Variants in HPS4 observed in about 807,000 individuals in gnomAD.
The protein encoded by HPS4 is BLOC-3 complex member HPS4.
A neutral mutation model predicts 70.3 loss-of-function variants in HPS4; 44 were observed. That is an observed-to-expected ratio of 0.63 (90% CI 0.49 to 0.80). HPS4 has a LOEUF of 0.80. HPS4 is among the 30% of genes least tolerant of loss of function. The pLI is 0.00. For missense variants in HPS4, 873 were observed against 884.4 expected (o/e 0.99, Z 0.16); for synonymous variants, 377 against 355.9 (o/e 1.06, Z -0.67).
intron 6 of HPS4, chr22:26,471,031 C>CG: frequency 1.1e-6 from 1 of 880,256 alleles, no homozygotes. Flanking sequence ...ATTCTTAGAA[C>CG]AAGGAGGCCT....
rs774979651 is a variant in HPS4, at chr22:26,464,300, C to T, written c.1330G>A (p.Glu444Lys). 218 of 1,613,946 alleles carry T rather than the reference C, an allele frequency of 1.4e-4. No homozygotes were observed. Among genetic ancestry groups the T allele is most frequent in the Non-Finnish European group, 1.7e-4 (203 of 1,180,040 alleles). ...LTQHGAQEQL[E>K]DHPGHSSQAP... Reference sequence around the variant, plus strand: ...TGGCTGCTATGGCCAGGATGGTCTTCGAGCTGCTCTTGGGCTCCATGCTGG... The same window carrying T: ...TGGCTGCTATGGCCAGGATGGTCTTTGAGCTGCTCTTGGGCTCCATGCTGG... The change falls in exon 11 of 14, where the codon GAA becomes AAA. Residue 444 changes from glutamate (E) to lysine (K), a missense_variant. Transcript: ENST00000398145.
downstream of HPS4, chr22:26,443,724 C>G (rs1266009526): frequency 6.5e-6 from 1 of 152,716 alleles, no homozygotes; most frequent in Non-Finnish European, 1.5e-5. Context: ...GGCAGGGGGA[C>G]AGTCTGCAGC....
Position 26,472,951 on chromosome 22 carries a change from G to A in HPS4, c.277-12C>T. ...GCACAGCCCAGCACCTGTAAAGAGAGAAACCAGGAAGACAAGCATCTTCCT... is the reference window on the plus strand; with the variant it reads ...GCACAGCCCAGCACCTGTAAAGAGAAAAACCAGGAAGACAAGCATCTTCCT... On this transcript the variant is annotated splice_polypyrimidine_tract_variant and intron_variant, in intron 4 of 13. Transcript: ENST00000398145. 3.1e-6 allele frequency: 5 copies of A among 1,611,848 alleles called. No homozygotes were observed. The highest frequency in any genetic ancestry group is 4.2e-6 in the Non-Finnish European group (5 of 1,177,892).
chr22:26,481,011 G>A (rs1296689022), intron 2 of HPS4, among the ~76,000 whole-genome samples: 2 of 152,114 alleles, frequency 1.3e-5, no homozygotes, highest in Non-Finnish European at 2.9e-5. Context: ...ACTGGCTGCA[G>A]GGTAAGCTCA....
chr22:26,481,686 A>G, intron 2 of HPS4, 36 bp downstream of exon 2: 2 of 1,607,402 alleles, frequency 1.2e-6, no homozygotes, highest in Non-Finnish European at 1.7e-6. Context: ...CCAACAGCCC[A>G]GCAAAAGCTA....
At chr22:26,466,704 A>G in intron 8 of HPS4, 1 of 255,838 alleles carries the variant, frequency 3.9e-6, no homozygotes, top group Non-Finnish European at 7.7e-6. Context: ...ACGATAAAGG[A>G]TTTGACTTAA....
downstream of HPS4, among the ~76,000 whole-genome samples, chr22:26,449,895 A>G (rs753454920): frequency 6.6e-6 from 1 of 152,138 alleles, no homozygotes; most frequent in Non-Finnish European, 1.5e-5. Flanking sequence ...GTTTCACGGG[A>G]CCGAATTCAG....
intron 4 of HPS4, among the ~76,000 whole-genome samples, chr22:26,473,652 G>A (rs994117335): frequency 2.0e-5 from 3 of 151,982 alleles, no homozygotes; most frequent in South Asian, 2.1e-4. Context: ...CTGAGGCAGG[G>A]GAATCGCTTG....
Position 26,477,135 on chromosome 22 carries a change from G to T in HPS4, c.134C>A (p.Thr45Asn), listed in dbSNP as rs1489279654. 6.2e-7 allele frequency: 1 copy of T among 1,614,204 alleles called. No homozygotes were observed. Among genetic ancestry groups the T allele is most frequent in the Non-Finnish European group, 8.5e-7 (1 of 1,180,018 alleles). The stretch of plus-strand genomic sequence containing the variant: ...AAGCAACTCCTGTTGGTCTAGCAGG[G>T]TCTGTGGGAAAGGAGCACATTCCAG... ...AGICYFYPSQ[T>N]LLDQQELLCG... Residue 45 changes from threonine to asparagine, a missense_variant and splice_region_variant, in exon 4 of 14, where the codon ACC becomes AAC. Physicochemically the swap from Thr to Asn is moderately conservative, Grantham distance 65. Transcript: ENST00000398145.
At chr22:26,465,114 C>T (rs944753777) in intron 10 of HPS4, among the ~76,000 whole-genome samples, 2 of 152,206 alleles carry the variant, frequency 1.3e-5, no homozygotes, top group African/African-American at 2.4e-5. Flanking sequence ...ATACTAGGTG[C>T]TGTACCTATA....
At chr22:26,468,725 G>C in intron 7 of HPS4, 102 bp from the exon 8 acceptor site, 1 of 1,076,630 alleles carries the variant, frequency 9.3e-7, no homozygotes, top group Non-Finnish European at 1.4e-6. Context: ...AGGATCTTGG[G>C]GACTTGGCTG....
intron 9 of HPS4, 154 bp from the exon 10 acceptor site, chr22:26,465,705 T>C (rs2146600591): frequency 1.5e-6 from 1 of 656,134 alleles, no homozygotes; most frequent in South Asian, 1.8e-5. Flanking sequence ...GTTGCCAAAC[T>C]GCACCTCGAA....
At chr22:26,453,943 A>G in intron 13 of HPS4, 1 of 171,234 alleles carries the variant, frequency 5.8e-6, no homozygotes, top group South Asian at 1.3e-4. Context: ...GAAGGACAGG[A>G]GTGGGATGTG....
chr22:26,476,508 G>A (rs756171333), intron 4 of HPS4: 37 of 164,100 alleles, frequency 2.3e-4, no homozygotes, highest in Non-Finnish European at 3.1e-4. Context: ...CACCACACCC[G>A]GTTAATTTTT....
At chr22:26,479,872 G>A (rs933739313) in intron 2 of HPS4, among the ~76,000 whole-genome samples, 2 of 152,196 alleles carry the variant, frequency 1.3e-5, no homozygotes, top group Non-Finnish European at 2.9e-5. Context: ...TTTCAATGCA[G>A]GATAGTGAGT....
chr22:26,482,386 C>T (rs1023401054), intron 1 of HPS4, 146 bp from the exon 2 acceptor site: 1 of 155,094 alleles, frequency 6.4e-6, no homozygotes, highest in African/African-American at 2.4e-5. Context: ...CTTGCAGAGA[C>T]TTCAGAGTAA....
At chr22:26,469,283 CAAA>C (rs5844704) in intron 7 of HPS4, among the ~76,000 whole-genome samples, 2 of 105,448 alleles carry the variant, frequency 1.9e-5, no homozygotes. Context: ...CCCATCTCTA[CAAA>C]AAAAAAAAAA....
At chr22:26,477,917 T>C (rs935409362) in intron 3 of HPS4, among the ~76,000 whole-genome samples, 87 of 152,182 alleles carry the variant, frequency 5.7e-4, no homozygotes, top group African/African-American at 2.0e-3. Flanking sequence ...GTGAGGACTG[T>C]TATTAAAAGG....
intron 10 of HPS4, 114 bp downstream of exon 10, chr22:26,465,341 G>T: frequency 1.3e-6 from 1 of 766,576 alleles, no homozygotes. Flanking sequence ...GACAGGGCAT[G>T]GGGAAGATGG....
Sources: gnomAD v4.1 joint callset for allele counts (sites outside exome capture counted in the v4.1 genomes callset) on GRCh38, gnomAD v4.1.1 for gene constraint, MANE v1.5 for transcripts, NCBI Gene and HGNC (gene_info 2026-07-23, HGNC 2026-07-21) for gene names.